EBF2: variants seen among roughly 807,000 people sequenced by gnomAD.
EBF2 encodes the protein transcription factor COE2.
In EBF2, 21 loss-of-function variants were observed where a neutral mutation model predicts 72.8. The ratio of observed to expected loss-of-function variants is 0.29; its 90% CI spans 0.20 to 0.42. The LOEUF is 0.42. Among genes scored for constraint, EBF2 ranks in the 10% least tolerant of loss-of-function variants. The probability of loss-of-function intolerance (pLI) is 1.00; values close to 1 mark genes in which losing one functional copy is unlikely to be tolerated. For synonymous variants in EBF2, 299 were observed against 274.2 expected (o/e 1.09, Z -0.89); for missense variants, 637 against 731.2 (o/e 0.87, Z 1.49).
intron 7 of EBF2, among the ~76,000 whole-genome samples, chr8:25,900,191 C>T (rs1206085548): frequency 6.6e-6 from 1 of 152,144 alleles, no homozygotes; most frequent in Non-Finnish European, 1.5e-5. Context: ...TGTGGTGGCT[C>T]ACACCTGTAA....
chr8:26,036,965 C>T (rs570320731), intron 5 of EBF2, among the ~76,000 whole-genome samples: 2 of 152,014 alleles, frequency 1.3e-5, no homozygotes, highest in Non-Finnish European at 2.9e-5. Flanking sequence ...TAGGTTAAGA[C>T]TGTGTTCGTA....
chr8:25,852,058 G>GTAGTCTTGATTT lies in EBF2; in HGVS notation c.1529-1309_1529-1298dup, dbSNP rs1393109091. Among the ~76,000 whole-genome samples, 10 of 152,246 alleles carry GTAGTCTTGATTT rather than the reference G, an allele frequency of 6.6e-5. No homozygotes were observed. The East Asian group carries it at 1.9e-3, about 29-fold the overall frequency. The stretch of plus-strand genomic sequence containing the variant: ...TCTCTAAAAACATCTTATCCTTAAA[G>GTAGTCTTGATTT]TAGTCTTGATTTAAGGAGCTATGCA... On this transcript the variant is annotated intron_variant, in intron 14 of 15. Coordinates refer to ENST00000520164, the MANE Select transcript of EBF2 (RefSeq NM_022659.4).
chr8:25,850,827 C>T, intron 14 of EBF2, 66 bp from the exon 15 acceptor site: 8 of 1,492,038 alleles, frequency 5.4e-6, no homozygotes, highest in Non-Finnish European at 7.1e-6. Context: ...ACATTTGGCA[C>T]ACATTTATTG....
chr8:25,997,509 T>A (rs1804652989), intron 6 of EBF2, among the ~76,000 whole-genome samples: 1 of 149,608 alleles, frequency 6.7e-6, no homozygotes, highest in Admixed American at 6.8e-5. Context: ...AGGTTGAGAC[T>A]GCAGTGAGCC....
chr8:25,854,253 A>T (rs913579732), intron 14 of EBF2, among the ~76,000 whole-genome samples: 4 of 150,642 alleles, frequency 2.7e-5, no homozygotes, highest in Non-Finnish European at 3.0e-5. Context: ...AAAAAAAAAA[A>T]GCAAGAGATG....
At chr8:26,018,797 G>T (rs1338348664) in intron 6 of EBF2, among the ~76,000 whole-genome samples, 3 of 152,014 alleles carry the variant, frequency 2.0e-5, no homozygotes, top group African/African-American at 7.3e-5. Context: ...CCCTGAGCTT[G>T]GATAAACATT....
At chr8:25,926,171 C>A (rs1803382873) in intron 6 of EBF2, among the ~76,000 whole-genome samples, 1 of 152,026 alleles carries the variant, frequency 6.6e-6, no homozygotes, top group East Asian at 1.9e-4. Context: ...CCCCAGGTAC[C>A]AGTGGGCCAC....
intron 7 of EBF2, among the ~76,000 whole-genome samples, chr8:25,899,711 G>C (rs750915202): frequency 6.6e-6 from 1 of 152,144 alleles, no homozygotes; most frequent in South Asian, 2.1e-4. Flanking sequence ...CTCTCACGTC[G>C]TTTAGTAAAC....
intron 6 of EBF2, among the ~76,000 whole-genome samples, chr8:25,938,100 G>A (rs964664734): frequency 1.3e-5 from 2 of 152,172 alleles, no homozygotes; most frequent in African/African-American, 2.4e-5. Flanking sequence ...GGGTGGGCTC[G>A]CTGGGGTGTC....
At chr8:26,019,767 T>C (rs1805176880) in intron 6 of EBF2, among the ~76,000 whole-genome samples, 1 of 152,118 alleles carries the variant, frequency 6.6e-6, no homozygotes, top group Non-Finnish European at 1.5e-5. Flanking sequence ...GTTTCAGAAG[T>C]TTCTAAGCCA....
At chr8:25,918,804 T>C (rs1406911247) in intron 6 of EBF2, among the ~76,000 whole-genome samples, 1 of 152,224 alleles carries the variant, frequency 6.6e-6, no homozygotes, top group Non-Finnish European at 1.5e-5. Context: ...TCTCCCTTTG[T>C]CTCCTTGTAT....
At chr8:25,930,494 G>A (rs117300800) in intron 6 of EBF2, among the ~76,000 whole-genome samples, 386 of 152,214 alleles carry the variant, frequency 2.5e-3, no homozygotes, top group Middle Eastern at 0.014. Flanking sequence ...GCCTTGCAGG[G>A]ACTCATTAAA....
chr8:25,993,524 C>A (rs772275274), intron 6 of EBF2, among the ~76,000 whole-genome samples: 3 of 152,208 alleles, frequency 2.0e-5, no homozygotes, highest in Non-Finnish European at 4.4e-5. Context: ...CTGAGCCATG[C>A]CCATTTCCTT....
chr8:25,916,797 C>T (rs777320821), intron 6 of EBF2, among the ~76,000 whole-genome samples: 3 of 152,156 alleles, frequency 2.0e-5, no homozygotes, highest in Non-Finnish European at 4.4e-5. Flanking sequence ...AATATGCTGG[C>T]TTCTGACTGG....
intron 6 of EBF2, among the ~76,000 whole-genome samples, chr8:25,979,012 AG>A (rs910194920): frequency 1.3e-5 from 2 of 152,132 alleles, no homozygotes; most frequent in Non-Finnish European, 2.9e-5. Context: ...TGTGACACGG[AG>A]GGTTCTCCGA....
At chr8:26,025,605 G>C (rs1323052939) in intron 6 of EBF2, among the ~76,000 whole-genome samples, 1 of 152,118 alleles carries the variant, frequency 6.6e-6, no homozygotes. Flanking sequence ...GAGGAGGAGA[G>C]TCATTTTCTC....
intron 6 of EBF2, among the ~76,000 whole-genome samples, chr8:26,028,785 G>C (rs756955482): frequency 3.3e-5 from 5 of 152,180 alleles, no homozygotes; most frequent in Admixed American, 6.5e-5. Flanking sequence ...TCAGCTGAAG[G>C]CCACAGTAAG....
intron 6 of EBF2, among the ~76,000 whole-genome samples, chr8:25,948,429 C>T (rs1328653209): frequency 6.6e-6 from 1 of 152,204 alleles, no homozygotes; most frequent in Non-Finnish European, 1.5e-5. Flanking sequence ...TCCTTGCTTC[C>T]TCTTCCCCAG....
rs116674936 is a variant in EBF2 at position 25,858,595 on chromosome 8, G to A, written c.1343-91C>T. 1.8e-3 allele frequency: 2,351 copies of A among 1,302,882 alleles called. 44 individuals carry two copies. The African/African-American group carries it at 0.032, about 17-fold the overall frequency. 80.7% of individuals were successfully genotyped at this position (1,302,882 alleles called of 1,614,324 possible). ...CACAGGTCCTCATTGGCCCCAGACTGCAGAATGTCACCAGCTGCCCCGGGC... is the reference window on the plus strand; with the variant it reads ...CACAGGTCCTCATTGGCCCCAGACTACAGAATGTCACCAGCTGCCCCGGGC... On this transcript the variant is annotated intron_variant, in intron 13 of 15. Transcript: ENST00000520164.
Sources: gnomAD v4.1 joint callset for allele counts (sites outside exome capture counted in the v4.1 genomes callset) on GRCh38, gnomAD v4.1.1 for gene constraint, MANE v1.5 for transcripts, NCBI Gene and HGNC (gene_info 2026-07-23, HGNC 2026-07-21) for gene names.